The following CNTNAP4 variants were observed in gnomAD, a reference collection of about 807,000 sequenced individuals.
The protein encoded by CNTNAP4 is contactin-associated protein-like 4.
A neutral mutation model predicts 148.4 loss-of-function variants in CNTNAP4; 98 were observed. That is an observed-to-expected ratio of 0.66 (90% CI 0.56 to 0.78). The LOEUF is 0.78. Among genes scored for constraint, CNTNAP4 ranks in the 30% least tolerant of loss-of-function variants. CNTNAP4 has a pLI of 0.00. For synonymous variants in CNTNAP4, 730 were observed against 565.1 expected (o/e 1.29, Z -4.14); for missense variants, 1,935 against 1,565.6 (o/e 1.24, Z -3.98).
At chr16:76,419,877 T>C (rs1039115764) in intron 3 of CNTNAP4, among the ~76,000 whole-genome samples, 1 of 151,990 alleles carries the variant, frequency 6.6e-6, no homozygotes, top group Admixed American at 6.6e-5. Context: ...AAGTCTGAGC[T>C]CTCTTCGTAT....
intron 2 of CNTNAP4, among the ~76,000 whole-genome samples, chr16:76,345,304 G>A (rs947520369): frequency 3.9e-5 from 6 of 152,158 alleles, no homozygotes; most frequent in African/African-American, 1.4e-4. Context: ...CTTAGGCTCT[G>A]ACTGTTGAAT....
At chr16:76,381,410 AATG>A (rs2015952277) in intron 3 of CNTNAP4, among the ~76,000 whole-genome samples, 1 of 152,134 alleles carries the variant, frequency 6.6e-6, no homozygotes, top group Non-Finnish European at 1.5e-5. Context: ...GAGAAGTCAC[AATG>A]ATAATTCTGA....
chr16:76,324,758 A>T (rs572389225), intron 2 of CNTNAP4, among the ~76,000 whole-genome samples: 1 of 152,228 alleles, frequency 6.6e-6, no homozygotes, highest in African/African-American at 2.4e-5. Context: ...ATTTATGCTT[A>T]AGTGACCTTT....
intron 2 of CNTNAP4, among the ~76,000 whole-genome samples, chr16:76,352,607 T>A (rs2011967435): frequency 6.6e-6 from 1 of 152,104 alleles, no homozygotes; most frequent in Non-Finnish European, 1.5e-5. Flanking sequence ...TAGACTGCAC[T>A]GAGAATTAAT....
intron 4 of CNTNAP4, among the ~76,000 whole-genome samples, chr16:76,446,660 G>A (rs978823648): frequency 6.6e-6 from 1 of 151,988 alleles, no homozygotes; most frequent in Admixed American, 6.6e-5. Flanking sequence ...ATTAAGTCAG[G>A]GTCTTTCCAA....
In CNTNAP4 at chr16:76,535,621, G is replaced by A. The variant is rs267604642; in HGVS notation, c.2832G>A (p.Leu944=). The A allele has an allele frequency of 6.2e-7, 1 of 1,613,764 alleles. No individual in the cohort carries two copies. The highest frequency in any genetic ancestry group is 1.1e-5 in the South Asian group (1 of 91,054). Reference sequence around the variant, plus strand: ...AGTTGAATGGGATGACCCTGGATTTGGAAGAAAGAGCCCAGGTGACTCCAG... The same window carrying A: ...AGTTGAATGGGATGACCCTGGATTTAGAAGAAAGAGCCCAGGTGACTCCAG... ...SLQLNGMTLD[L]EERAQVTPEV... Residue 944 remains leucine (L), a synonymous_variant, in exon 18 of 24, where the codon TTG becomes TTA. Transcript: ENST00000611870.
At chr16:76,357,509 A>G (rs2144517080) in intron 3 of CNTNAP4, among the ~76,000 whole-genome samples, 1 of 152,326 alleles carries the variant, frequency 6.6e-6, no homozygotes, top group East Asian at 1.9e-4. Context: ...CGTCTATCAT[A>G]ATCCTGTTAA....
chr16:76,345,680 T>C (rs1484196505), intron 2 of CNTNAP4, among the ~76,000 whole-genome samples: 1 of 152,210 alleles, frequency 6.6e-6, no homozygotes, highest in Non-Finnish European at 1.5e-5. Context: ...CCTGTCTTTC[T>C]TGATGATTAC....
rs955809485 is a variant in CNTNAP4, at chr16:76,559,387, T to C, written c.*704T>C. 2 of 150,948 alleles carry C rather than the reference T, an allele frequency of 1.3e-5. No homozygotes were observed. The highest frequency in any genetic ancestry group is 3.0e-5 in the Non-Finnish European group (2 of 67,588). 9.4% of individuals were successfully genotyped at this position (150,948 alleles called of 1,614,324 possible). ...ACTCAGAAAGTGCAGTGGTTGTTAG[T>C]ATGTAATGTCTTTCCTTTTAAAAAA... On this transcript the variant is annotated 3_prime_UTR_variant, in exon 24 of 24. Transcript: ENST00000611870.
chr16:76,343,058 T>C (rs1032541027), intron 2 of CNTNAP4, among the ~76,000 whole-genome samples: 2 of 152,122 alleles, frequency 1.3e-5, no homozygotes, highest in Non-Finnish European at 2.9e-5. Flanking sequence ...TTCATAGTAT[T>C]GCCAGAAGCA....
intron 1 of CNTNAP4, among the ~76,000 whole-genome samples, chr16:76,281,414 C>G (rs1410206070): frequency 6.6e-6 from 1 of 152,090 alleles, no homozygotes; most frequent in African/African-American, 2.4e-5. Flanking sequence ...ATTTTCTCCA[C>G]TTCTTATTAC....
At chr16:76,356,117 C>T (rs2012602528) in intron 3 of CNTNAP4, among the ~76,000 whole-genome samples, 1 of 151,984 alleles carries the variant, frequency 6.6e-6, no homozygotes, top group Non-Finnish European at 1.5e-5. Flanking sequence ...TCAAGCAGTC[C>T]ACCTGTCTCG....
Position 76,494,794 on chromosome 16 carries a change from C to G in CNTNAP4, c.2081-116C>G, listed in dbSNP as rs963389468. ...TTGCATATCCTTAAATCCAATCAAT[C>G]TTTCTCCTTTTCTCCTTTTATTCTT... On this transcript the variant is annotated intron_variant, in intron 13 of 23. Coordinates refer to ENST00000611870, the MANE Select transcript of CNTNAP4 (RefSeq NM_033401.5). 1.4e-5 allele frequency: 16 copies of G among 1,127,374 alleles called. No homozygotes were observed. The African/African-American group carries it at 2.5e-4, about 18-fold the overall frequency. 69.8% of individuals were successfully genotyped at this position (1,127,374 alleles called of 1,614,324 possible).
chr16:76,535,974 T>C (rs537375363), intron 18 of CNTNAP4, among the ~76,000 whole-genome samples, 190 bp downstream of exon 18: 2 of 152,216 alleles, frequency 1.3e-5, no homozygotes, highest in Non-Finnish European at 2.9e-5. Flanking sequence ...TATTCAAAGA[T>C]GGAGCGCATC....
intron 2 of CNTNAP4, among the ~76,000 whole-genome samples, chr16:76,320,208 C>A (rs1021407708): frequency 2.0e-5 from 3 of 152,084 alleles, no homozygotes; most frequent in East Asian, 1.9e-4. Flanking sequence ...AAAATTTGGT[C>A]GAATTGTGTT....
At chr16:76,539,080 G>T (rs1334479262) in intron 19 of CNTNAP4, among the ~76,000 whole-genome samples, 1 of 151,986 alleles carries the variant, frequency 6.6e-6, no homozygotes, top group Non-Finnish European at 1.5e-5. Flanking sequence ...TTCTTACTGT[G>T]CATTTTGAGC....
At chr16:76,437,840 C>A (rs1409257342) in intron 4 of CNTNAP4, among the ~76,000 whole-genome samples, 1 of 152,098 alleles carries the variant, frequency 6.6e-6, no homozygotes, top group Non-Finnish European at 1.5e-5. Context: ...CTGGTTCAAG[C>A]TAACTATGAC....
chr16:76,344,732 A>T (rs764691749), intron 2 of CNTNAP4, among the ~76,000 whole-genome samples: 4 of 152,222 alleles, frequency 2.6e-5, no homozygotes, highest in Admixed American at 2.0e-4. Context: ...TCCGTGTATG[A>T]TCGTATATGA....
intron 17 of CNTNAP4, among the ~76,000 whole-genome samples, chr16:76,525,591 TTA>T (rs913600882): frequency 6.8e-6 from 1 of 146,496 alleles, no homozygotes; most frequent in African/African-American, 2.5e-5. Context: ...ATAAAAAATT[TTA>T]TATAACTATA....
Sources: allele counts gnomAD v4.1 joint callset (sites outside exome capture counted in the v4.1 genomes callset), GRCh38; gene constraint gnomAD v4.1.1; transcripts MANE v1.5; gene names NCBI Gene and HGNC (gene_info 2026-07-23, HGNC 2026-07-21).